The following NCKAP5 variants were observed in gnomAD, a reference collection of about 807,000 sequenced individuals.
The protein encoded by NCKAP5 is NCK associated protein 5.
NCKAP5 carries 92 observed loss-of-function variants against 167.0 expected under a neutral mutation model. That is an observed-to-expected ratio of 0.55 (90% CI 0.47 to 0.66). The LOEUF (loss-of-function observed/expected upper bound fraction) is 0.66, where lower values mean the gene tolerates loss of function less well. Among genes scored for constraint, NCKAP5 ranks in the 30% least tolerant of loss-of-function variants. NCKAP5 has a pLI of 0.00. For missense variants in NCKAP5, 2,378 were observed against 2,315.0 expected (o/e 1.03, Z -0.56); for synonymous variants, 891 against 877.4 (o/e 1.02, Z -0.27).
intron 11 of NCKAP5, among the ~76,000 whole-genome samples, chr2:132,831,034 A>G (rs57920869): frequency 0.078 from 11,897 of 152,256 alleles, 687 homozygotes; most frequent in African/African-American, 0.16. Context: ...TTTAAAAAAC[A>G]TAAATAAATG....
chr2:133,117,321 T>A (rs2082114287), intron 6 of NCKAP5: 1 of 152,212 alleles, frequency 6.6e-6, no homozygotes, highest in African/African-American at 2.4e-5. Flanking sequence ...ACTTTCAAGT[T>A]GCTGCTTTTC....
the NCKAP5 span, among the ~76,000 whole-genome samples, chr2:133,606,235 T>C: frequency 1.3e-5 from 2 of 152,158 alleles, no homozygotes; most frequent in African/African-American, 4.8e-5. Context: ...CCCAATAAAT[T>C]TGATAAATAT....
At chr2:133,623,832 T>C in the NCKAP5 span, among the ~76,000 whole-genome samples, 1 of 152,140 alleles carries the variant, frequency 6.6e-6, no homozygotes, top group East Asian at 1.9e-4. Context: ...ACAAAAAAGA[T>C]ACTTGCACAC....
chr2:133,647,434 A>AAGGAAGGAAGGGAAAGAAAGG, the NCKAP5 span, among the ~76,000 whole-genome samples: 1 of 91,818 alleles, frequency 1.1e-5, no homozygotes, highest in African/African-American at 8.5e-5. Context: ...AGAAAGGAAG[A>AAGGAAGGAAGGGAAAGAAAGG]AAGAAAGAAA....
intron 6 of NCKAP5, among the ~76,000 whole-genome samples, chr2:133,035,764 C>A (rs890974375): frequency 6.6e-6 from 1 of 151,466 alleles, no homozygotes; most frequent in African/African-American, 2.4e-5. Flanking sequence ...TCTAATGATG[C>A]ATCTTAAAAA....
the NCKAP5 span, among the ~76,000 whole-genome samples, chr2:133,661,886 G>T: frequency 6.6e-6 from 1 of 151,974 alleles, no homozygotes; most frequent in African/African-American, 2.4e-5. Flanking sequence ...CTTCTGGGAG[G>T]ATACAAAGAC....
intron 3 of NCKAP5, among the ~76,000 whole-genome samples, chr2:133,438,617 G>C (rs1053870135): frequency 2.6e-5 from 4 of 152,116 alleles, no homozygotes; most frequent in Middle Eastern, 3.2e-3. Flanking sequence ...TACAGGCTGG[G>C]GGTTATAGAC....
intron 3 of NCKAP5, among the ~76,000 whole-genome samples, chr2:133,465,158 C>A (rs1328940015): frequency 5.7e-5 from 6 of 104,844 alleles, no homozygotes. Flanking sequence ...TCCCTCCCCC[C>A]TCCCCCCACC....
intron 11 of NCKAP5, among the ~76,000 whole-genome samples, chr2:132,856,878 C>T (rs187496085): frequency 7.2e-5 from 11 of 152,200 alleles, no homozygotes; most frequent in East Asian, 3.9e-4. Flanking sequence ...CAATTGGAGG[C>T]GAAAGGGGGG....
At chr2:132,876,783 A>C (rs1305446422) in intron 9 of NCKAP5, among the ~76,000 whole-genome samples, 1 of 152,232 alleles carries the variant, frequency 6.6e-6, no homozygotes, top group Non-Finnish European at 1.5e-5. Context: ...CTTCAGTGGA[A>C]ACTTTATATG....
chr2:133,017,733 C>A (rs138405576), intron 6 of NCKAP5, among the ~76,000 whole-genome samples: 1 of 152,008 alleles, frequency 6.6e-6, no homozygotes, highest in Non-Finnish European at 1.5e-5. Flanking sequence ...CCCGCCCCCC[C>A]ACTGTTTCCT....
intron 6 of NCKAP5, among the ~76,000 whole-genome samples, chr2:133,060,534 G>A (rs2079963264): frequency 1.3e-5 from 2 of 152,138 alleles, no homozygotes; most frequent in South Asian, 4.1e-4. Flanking sequence ...ATAAGAGGCT[G>A]TCTCTCTCCC....
At chr2:133,660,918 G>A in the NCKAP5 span, among the ~76,000 whole-genome samples, 1 of 149,244 alleles carries the variant, frequency 6.7e-6, no homozygotes, top group Non-Finnish European at 1.5e-5. Flanking sequence ...TGAATGATTT[G>A]TATCACCCAG....
chr2:132,767,678 T>C (rs936616675), intron 16 of NCKAP5, among the ~76,000 whole-genome samples: 15 of 152,300 alleles, frequency 9.8e-5, no homozygotes, highest in African/African-American at 3.1e-4. Context: ...AGCTAAAGTC[T>C]AGGAGAGGAT....
chr2:133,144,811 G>C (rs2083128373), intron 5 of NCKAP5, among the ~76,000 whole-genome samples: 1 of 152,164 alleles, frequency 6.6e-6, no homozygotes, highest in Non-Finnish European at 1.5e-5. Flanking sequence ...TAGGAACAGA[G>C]TTCCTCCCAC....
intron 3 of NCKAP5, among the ~76,000 whole-genome samples, chr2:133,470,381 G>T (rs1482846426): frequency 6.6e-6 from 1 of 152,338 alleles, no homozygotes; most frequent in African/African-American, 2.4e-5. Flanking sequence ...CAGATCTCCA[G>T]CTGCGTGCTG....
At position 133,449,829 on chromosome 2, in the gene NCKAP5, CT is replaced by C. The variant is rs549983532; in HGVS notation, c.69+67628del. On this transcript the variant is annotated intron_variant, in intron 3 of 19. Coordinates refer to ENST00000409261, the MANE Select transcript of NCKAP5 (RefSeq NM_207363.3). ...CTCATCCAAATCTCACAGTTTCCAG[CT>C]TTTTTTTTTTCAACAGAGATTTTAA... Among the ~76,000 whole-genome samples the C allele has an allele frequency of 2.5e-3, 363 of 145,886 alleles. 1 individual carries two copies. Among genetic ancestry groups the C allele is most frequent in the African/African-American group, 7.7e-3 (307 of 40,020 alleles).
rs138530561 is a variant in NCKAP5, at chr2:132,799,249, G to A, written c.808-2520C>T. Among the ~76,000 whole-genome samples the A allele has an allele frequency of 1.4e-3, 216 of 151,974 alleles. 1 individual carries two copies. The highest frequency in any genetic ancestry group is 4.9e-3 in the African/African-American group (203 of 41,428). ...GAACAACAGACCCTGCAGACTACTA[G>A]ATGGGGAAAAAGAAAGGGGGGAATG... On this transcript the variant is annotated intron_variant, in intron 11 of 19. Transcript: ENST00000409261.
intron 8 of NCKAP5, among the ~76,000 whole-genome samples, chr2:132,901,127 T>C (rs1693595648): frequency 6.6e-6 from 1 of 152,204 alleles, no homozygotes; most frequent in African/African-American, 2.4e-5. Context: ...TCACTTGTTC[T>C]GACAGATTTG....
Sources: allele counts gnomAD v4.1 joint callset (sites outside exome capture counted in the v4.1 genomes callset), GRCh38; gene constraint gnomAD v4.1.1; transcripts MANE v1.5; gene names NCBI Gene and HGNC (gene_info 2026-07-23, HGNC 2026-07-21).